NRL: variants seen among roughly 807,000 people sequenced by gnomAD.
The protein encoded by NRL is neural retina leucine zipper.
Under a neutral mutation model 12.5 loss-of-function variants are expected in NRL, and 16 were observed. The ratio of observed to expected loss-of-function variants is 1.28; its 90% confidence interval spans 0.87 to 1.95. NRL has a LOEUF of 1.95. NRL is among the 30% of genes most tolerant of loss of function. The pLI is 0.00. For missense variants in NRL, 314 were observed against 325.8 expected (o/e 0.96, Z 0.28); for synonymous variants, 142 against 150.9 (o/e 0.94, Z 0.43).
intron 1 of NRL, 149 bp downstream of exon 1, chr14:24,114,573 C>G: frequency 1.5e-6 from 1 of 661,006 alleles, no homozygotes; most frequent in Non-Finnish European, 1.9e-6. Flanking sequence ...TTTTTTAAGC[C>G]CCGCCTCTCA....
At chr14:24,106,749 T>A (rs1295115062) in intron 1 of NRL, among the ~76,000 whole-genome samples, 1 of 147,972 alleles carries the variant, frequency 6.8e-6, no homozygotes, top group African/African-American at 2.5e-5. Context: ...TAAATAAATT[T>A]AAAAATTTAA....
chr14:24,110,119 CTT>C (rs563374411), intron 1 of NRL, among the ~76,000 whole-genome samples: 1 of 146,278 alleles, frequency 6.8e-6, no homozygotes. Context: ...TATTATTATA[CTT>C]TTTTTTTTTT....
intron 1 of NRL, among the ~76,000 whole-genome samples, chr14:24,104,844 A>G (rs1382760102): frequency 1.3e-5 from 2 of 152,166 alleles, no homozygotes; most frequent in Non-Finnish European, 2.9e-5. Flanking sequence ...GGAGCTGCAT[A>G]GTATTCATGG....
chr14:24,094,125 G>C lies in NRL; in HGVS notation c.-27-11250C>G. ...AAGAGTGGACCCAGTCCTCCAATGG[G>C]AGAGATGGGTTTGGCGGTTTGGAGG... On this transcript the variant is annotated intron_variant, in intron 1 of 2. Transcript: ENST00000561028. The surrounding 1 kb of genome is among the most constrained non-coding windows in gnomAD (Gnocchi z 4.1). 1.8e-6 allele frequency: 1 copy of C among 545,534 alleles called. No individual in the cohort carries two copies. Among genetic ancestry groups the C allele is most frequent in the South Asian group, 2.3e-5 (1 of 44,434 alleles). 33.8% of individuals were successfully genotyped at this position (545,534 alleles called of 1,614,324 possible).
chr14:24,114,466 C>T (rs1181612201), intron 1 of NRL: 1 of 162,490 alleles, frequency 6.2e-6, no homozygotes, highest in Non-Finnish European at 1.3e-5. Context: ...CCCTTGGGCA[C>T]TGTCTGAAAA....
intron 1 of NRL, among the ~76,000 whole-genome samples, chr14:24,113,309 C>A (rs1246306747): frequency 7.2e-6 from 1 of 139,778 alleles, no homozygotes; most frequent in African/African-American, 2.8e-5. Context: ...AGCGCACCAG[C>A]ATGGCACATG....
chr14:24,096,598 G>A (rs1299975137), intron 1 of NRL, among the ~76,000 whole-genome samples: 2 of 152,142 alleles, frequency 1.3e-5, no homozygotes, highest in African/African-American at 4.8e-5. Context: ...TACACAGGCA[G>A]TAACATCAGC....
Position 24,082,839 on chromosome 14 carries a change from G to A in NRL, c.10C>T (p.Pro4Ser), listed in dbSNP as rs1317207731. The A allele has an allele frequency of 6.2e-7, 1 of 1,612,086 alleles. No individual in the cohort carries two copies. Residue 4 changes from proline to serine, a missense_variant, in exon 2 of 3, where the codon CCC becomes TCC. Physicochemically the swap from Pro to Ser is moderately conservative, Grantham distance 74 (BLOSUM62 -1). Coordinates refer to ENST00000561028, the MANE Select transcript of NRL (RefSeq NM_001354768.3). ...TATTCCATGGCCAGGGGGCTGGGGG[G>A]CAGGGCCATTCTGGAGCTGGGCTGG... MAL[P>S]PSPLAMEYVN...
Position 24,099,771 on chromosome 14 carries a change from G to A in NRL, c.-28+14951C>T, listed in dbSNP as rs543111829. The A allele has an allele frequency of 6.6e-5, 103 of 1,557,702 alleles. No homozygotes were observed. In the African/African-American group the frequency reaches 1.1e-3, roughly 16 times the overall value. On this transcript the variant is annotated intron_variant, in intron 1 of 2. Transcript: ENST00000561028. The stretch of plus-strand genomic sequence containing the variant: ...TGGTTCTGGCTCTTGTCAGAGCCTC[G>A]GGGTCTCCTCTCTAGTGTTCACAAT...
intron 1 of NRL, among the ~76,000 whole-genome samples, chr14:24,112,147 T>C (rs1200919376): frequency 1.1e-5 from 1 of 94,690 alleles, no homozygotes; most frequent in Non-Finnish European, 2.0e-5. Context: ...ATTTATTGAT[T>C]TGCGTATATT....
intron 2 of NRL, 152 bp downstream of exon 2, chr14:24,082,316 C>T (rs533565319): frequency 2.2e-5 from 22 of 979,764 alleles, no homozygotes; most frequent in African/African-American, 3.2e-5. Flanking sequence ...GTAGTTTTCT[C>T]GATCTGATTG....
intron 1 of NRL, among the ~76,000 whole-genome samples, chr14:24,107,094 C>T (rs138071540): frequency 1.3e-5 from 2 of 152,204 alleles, no homozygotes; most frequent in East Asian, 1.9e-4. Flanking sequence ...TTAAAAGGAA[C>T]ATGAGCAATG....
In NRL at chr14:24,087,126, G is replaced by A. The variant is rs558229380; in HGVS notation, c.-27-4251C>T. ...AGGTGTAGATGTGAGATAGAGGACA[G>A]GACAAGTCAGGGTCTCCATGGGGAT... On this transcript the variant is annotated intron_variant, in intron 1 of 2. Coordinates refer to ENST00000561028, the MANE Select transcript of NRL (RefSeq NM_001354768.3). Among the ~76,000 whole-genome samples the A allele has an allele frequency of 1.3e-3, 203 of 151,980 alleles. 1 individual carries two copies. The highest frequency in any genetic ancestry group is 4.7e-3 in the African/African-American group (193 of 41,404).
Position 24,097,743 on chromosome 14 carries a change from G to T in NRL, c.-27-14868C>A, listed in dbSNP as rs533868132. The stretch of plus-strand genomic sequence containing the variant: ...GGAGTAGCTGGGATTACAAGCATGC[G>T]CCACCACACCCAGCTGATTTTTGTA... On this transcript the variant is annotated intron_variant, in intron 1 of 2. Coordinates refer to ENST00000561028, the MANE Select transcript of NRL (RefSeq NM_001354768.3). Among the ~76,000 whole-genome samples, 4 of 151,972 alleles carry T rather than the reference G, an allele frequency of 2.6e-5. No homozygotes were observed. In the East Asian group the frequency reaches 7.8e-4, roughly 30 times the overall value.
chr14:24,099,180 C>A, intron 1 of NRL: 1 of 1,608,004 alleles, frequency 6.2e-7, no homozygotes. Context: ...GTGCTTTGCC[C>A]TACGCATCGC....
intron 1 of NRL, chr14:24,097,120 C>A: frequency 1.2e-6 from 2 of 1,613,930 alleles, no homozygotes; most frequent in South Asian, 1.1e-5. Flanking sequence ...TCCGAAAGCT[C>A]CCCAAGTACA....
At chr14:24,099,277 G>A (rs763791864) in intron 1 of NRL, 2 of 1,556,020 alleles carry the variant, frequency 1.3e-6, no homozygotes, top group Non-Finnish European at 1.7e-6. Context: ...CCGGGGACAG[G>A]GCAGGGGTGG....
intron 1 of NRL, chr14:24,099,102 G>T (rs759802880): frequency 6.2e-7 from 1 of 1,611,648 alleles, no homozygotes; most frequent in South Asian, 1.1e-5. Context: ...GATTGGCCAC[G>T]TGCCCGACCA....
At chr14:24,110,550 C>A (rs2037403896) in intron 1 of NRL, 1 of 162,332 alleles carries the variant, frequency 6.2e-6, no homozygotes, top group African/African-American at 2.4e-5. Context: ...CTACAACAAA[C>A]CTATACCAGG....
Sources: gnomAD v4.1 joint callset for allele counts (sites outside exome capture counted in the v4.1 genomes callset) on GRCh38, gnomAD v4.1.1 for gene constraint, Gnocchi (gnomAD v3.1) non-coding constraint, MANE v1.5 for transcripts, NCBI Gene and HGNC (gene_info 2026-07-23, HGNC 2026-07-21) for gene names.